The following VRK2 variants were observed in gnomAD, a reference collection of about 807,000 sequenced individuals.
The protein encoded by VRK2 is VRK serine/threonine kinase 2.
VRK2 carries 60 observed loss-of-function variants against 57.6 expected under a neutral mutation model. That is an observed-to-expected ratio of 1.04 (90% confidence interval 0.85 to 1.29). VRK2 has a LOEUF of 1.29. Among genes scored for constraint, VRK2 ranks in the 50% most tolerant of loss-of-function variants. The probability of loss-of-function intolerance (pLI) is 0.00; values close to 1 mark genes in which losing one functional copy is unlikely to be tolerated. For synonymous variants in VRK2, 231 were observed against 199.2 expected (o/e 1.16, Z -1.35); for missense variants, 705 against 588.1 (o/e 1.20, Z -2.06).
At chr2:57,950,230 A>G (rs1311057703) in intron 1 of VRK2, among the ~76,000 whole-genome samples, 1 of 152,242 alleles carries the variant, frequency 6.6e-6, no homozygotes, top group African/African-American at 2.4e-5. Context: ...CTTCTATTGA[A>G]AAACGATGCC....
At chr2:58,072,244 A>G (rs895687730) in intron 2 of VRK2, among the ~76,000 whole-genome samples, 1 of 151,912 alleles carries the variant, frequency 6.6e-6, no homozygotes, top group African/African-American at 2.4e-5. Context: ...CTTCCTTTGC[A>G]ATCTGTTTAC....
At chr2:58,026,165 A>C (rs1254767952) in intron 2 of VRK2, among the ~76,000 whole-genome samples, 2 of 152,164 alleles carry the variant, frequency 1.3e-5, no homozygotes, top group Non-Finnish European at 2.9e-5. Flanking sequence ...GTACAAAGTG[A>C]AAATTGCCTA....
At chr2:58,068,514 G>C (rs573055483) in intron 2 of VRK2, among the ~76,000 whole-genome samples, 8 of 151,960 alleles carry the variant, frequency 5.3e-5, no homozygotes, top group Non-Finnish European at 1.2e-4. Flanking sequence ...ATTTCTTTGG[G>C]TTTATCCTAT....
chr2:57,938,110 G>T (rs116578548), intron 1 of VRK2, among the ~76,000 whole-genome samples: 4 of 152,056 alleles, frequency 2.6e-5, no homozygotes, highest in Admixed American at 6.5e-5. Flanking sequence ...GATTAATGGC[G>T]TGAGCCACTG....
chr2:58,008,013 T>C (rs1376876545), intron 1 of VRK2, among the ~76,000 whole-genome samples: 1 of 152,056 alleles, frequency 6.6e-6, no homozygotes, highest in Non-Finnish European at 1.5e-5. Flanking sequence ...AAAATAAGAA[T>C]GTAGTGTTTT....
At chr2:58,085,810 A>G (rs1263872082) in intron 4 of VRK2, among the ~76,000 whole-genome samples, 1 of 151,976 alleles carries the variant, frequency 6.6e-6, no homozygotes, top group Non-Finnish European at 1.5e-5. Flanking sequence ...CATGAAAAAA[A>G]TGATGAAAGT....
At chr2:58,069,057 TC>T (rs1669028342) in intron 2 of VRK2, among the ~76,000 whole-genome samples, 1 of 152,188 alleles carries the variant, frequency 6.6e-6, no homozygotes, top group Non-Finnish European at 1.5e-5. Context: ...TGAGTTTTTT[TC>T]TGCTTCTTTG....
intron 1 of VRK2, among the ~76,000 whole-genome samples, chr2:57,940,294 G>A (rs915240872): frequency 6.6e-6 from 1 of 152,014 alleles, no homozygotes; most frequent in Non-Finnish European, 1.5e-5. Context: ...GGAAAAGAGA[G>A]GACTCATGTC....
chr2:57,977,317 C>A (rs1169188079), intron 1 of VRK2, among the ~76,000 whole-genome samples: 1 of 152,048 alleles, frequency 6.6e-6, no homozygotes, highest in Non-Finnish European at 1.5e-5. Flanking sequence ...GTAGTATGGC[C>A]ATTTTAACAA....
rs550181584 is a variant in VRK2 at position 58,012,781 on chromosome 2, A to C, written c.-438-12884A>C. Among the ~76,000 whole-genome samples the C allele has an allele frequency of 2.4e-4, 36 of 152,378 alleles. 1 individual carries two copies. Among genetic ancestry groups the C allele is most frequent in the Admixed American group, 1.2e-3 (18 of 15,308 alleles). The stretch of plus-strand genomic sequence containing the variant: ...CAGGTATAAAAAGGACAAAGACCAA[A>C]TCTATTTTTCATTATAACACAGTGG... On this transcript the variant is annotated intron_variant, in intron 1 of 15. Transcript: ENST00000417641.
chr2:58,115,943 T>G (rs1676398779), intron 7 of VRK2, among the ~76,000 whole-genome samples: 1 of 152,178 alleles, frequency 6.6e-6, no homozygotes, highest in Non-Finnish European at 1.5e-5. Flanking sequence ...ACGGAGGTTT[T>G]GAGGATAGGA....
intron 1 of VRK2, among the ~76,000 whole-genome samples, chr2:57,953,885 C>T (rs1671502475): frequency 6.6e-6 from 1 of 152,056 alleles, no homozygotes; most frequent in Admixed American, 6.6e-5. Context: ...TTCAAAAAAA[C>T]TGAATAAAAT....
intron 2 of VRK2, among the ~76,000 whole-genome samples, chr2:58,079,899 G>T (rs868013721): frequency 1.1e-4 from 17 of 151,674 alleles, no homozygotes; most frequent in Admixed American, 1.1e-3. Flanking sequence ...TTCTATTTAT[G>T]TCATCATTTT....
upstream of VRK2, among the ~76,000 whole-genome samples, chr2:58,045,236 T>C (rs1674650447): frequency 6.6e-6 from 1 of 152,148 alleles, no homozygotes. Context: ...AAATATGGTT[T>C]GGGCCAGAAT....
At chr2:57,975,453 A>C (rs1487940780) in intron 1 of VRK2, among the ~76,000 whole-genome samples, 1 of 152,052 alleles carries the variant, frequency 6.6e-6, no homozygotes, top group Non-Finnish European at 1.5e-5. Context: ...ATTATCTTGA[A>C]ATTTTTGGCT....
intron 1 of VRK2, among the ~76,000 whole-genome samples, chr2:58,020,713 T>C (rs1037319098): frequency 6.6e-6 from 1 of 152,236 alleles, no homozygotes; most frequent in South Asian, 2.1e-4. Flanking sequence ...CTTTCCATTG[T>C]ATAACTTTTT....
At chr2:57,994,447 G>A (rs988211039) in intron 1 of VRK2, among the ~76,000 whole-genome samples, 1 of 152,036 alleles carries the variant, frequency 6.6e-6, no homozygotes, top group African/African-American at 2.4e-5. Flanking sequence ...AACATCTACT[G>A]TCTACACAGT....
chr2:57,942,250 T>C (rs1426111350), intron 1 of VRK2, among the ~76,000 whole-genome samples: 2 of 152,204 alleles, frequency 1.3e-5, no homozygotes, highest in African/African-American at 2.4e-5. Context: ...TTGTCTTCTG[T>C]ACATAATATA....
At chr2:58,107,442 A>G (rs1050893458) in intron 7 of VRK2, among the ~76,000 whole-genome samples, 1 of 152,112 alleles carries the variant, frequency 6.6e-6, no homozygotes, top group African/African-American at 2.4e-5. Context: ...TATGAAGTTT[A>G]AAAAGTGGTG....
Sources: gnomAD v4.1 joint callset for allele counts (sites outside exome capture counted in the v4.1 genomes callset) on GRCh38, gnomAD v4.1.1 for gene constraint, MANE v1.5 for transcripts, NCBI Gene and HGNC (gene_info 2026-07-23, HGNC 2026-07-21) for gene names.